Variants in INVS observed in about 807,000 individuals in gnomAD.
The protein encoded by INVS is inversin, also known as inversion of embryo turning homolog.
In INVS, 86 loss-of-function variants were observed where a neutral mutation model predicts 108.8. The ratio of observed to expected loss-of-function variants is 0.79; its 90% confidence interval spans 0.66 to 0.95. The LOEUF (loss-of-function observed/expected upper bound fraction) is 0.95. Among genes scored for constraint, INVS ranks in the 40% least tolerant of loss-of-function variants. INVS has a pLI of 0.00. For synonymous variants in INVS, 455 were observed against 473.5 expected, an observed-to-expected ratio of 0.96 and a Z score of 0.51; for missense variants, 1,169 against 1,297.4, an observed-to-expected ratio of 0.90 and a Z score of 1.52.
intron 10 of INVS, among the ~76,000 whole-genome samples, chr9:100,259,611 C>T (rs1393704466): frequency 1.4e-5 from 2 of 146,380 alleles, no homozygotes; most frequent in African/African-American, 2.6e-5. Flanking sequence ...AATCTTGGCT[C>T]ACTGCAACCT....
At chr9:100,115,511 G>A (rs888553961) in intron 2 of INVS, among the ~76,000 whole-genome samples, 1 of 151,900 alleles carries the variant, frequency 6.6e-6, no homozygotes, top group African/African-American at 2.4e-5. Flanking sequence ...GTGTCCAAGT[G>A]TTCTCATTGT....
At chr9:100,129,526 TA>T in intron 3 of INVS, 1 of 462,338 alleles carries the variant, frequency 2.2e-6, no homozygotes, top group Non-Finnish European at 4.0e-6. Context: ...AAAAATTTTT[TA>T]AAAAAACAAG....
At chr9:100,146,933 T>C (rs1243809038) in intron 3 of INVS, among the ~76,000 whole-genome samples, 1 of 148,786 alleles carries the variant, frequency 6.7e-6, no homozygotes, top group Non-Finnish European at 1.5e-5. Context: ...TTTCAATTCC[T>C]TCATTTGATT....
rs1173286156 is a variant in INVS, at chr9:100,301,349, G to A, written c.*675G>A. On this transcript the variant is annotated 3_prime_UTR_variant, in exon 17 of 17. Coordinates refer to ENST00000262457, the MANE Select transcript of INVS (RefSeq NM_014425.5). The stretch of plus-strand genomic sequence containing the variant: ...TCTCAAGGCCACAAGTTGCCGCCAC[G>A]TCTTCACTGAATGGCTTTCTCAGTG... Among the ~76,000 whole-genome samples, 1 of 152,216 alleles carries A rather than the reference G, an allele frequency of 6.6e-6. No homozygotes were observed. Among genetic ancestry groups the A allele is most frequent in the East Asian group, 1.9e-4 (1 of 5,190 alleles).
intron 3 of INVS, among the ~76,000 whole-genome samples, chr9:100,222,803 GT>G (rs1831192967): frequency 1.4e-5 from 2 of 147,774 alleles, no homozygotes; most frequent in South Asian, 4.3e-4. Context: ...ACACAGATTT[GT>G]TTTTCCTGGG....
At position 100,147,954 on chromosome 9, in the gene INVS, CAG is replaced by C. The variant is rs551658389; in HGVS notation, c.273+21406_273+21407del. 1.3e-3 allele frequency among the ~76,000 whole-genome samples: 186 copies of C among 146,400 alleles called. 1 individual carries two copies. Among genetic ancestry groups the C allele is most frequent in the African/African-American group, 4.4e-3 (178 of 40,106 alleles). ...ATCCCAGTAATTTGGGAGGCCAAAA[CAG>C]GGGGATTGCTTGAAGCCAGAAGTTT... On this transcript the variant is annotated intron_variant, in intron 3 of 16. Coordinates refer to ENST00000262457, the MANE Select transcript of INVS (RefSeq NM_014425.5).
At chr9:100,167,828 G>A (rs1829415646) in intron 3 of INVS, among the ~76,000 whole-genome samples, 1 of 152,016 alleles carries the variant, frequency 6.6e-6, no homozygotes. Flanking sequence ...ATTCTCCCAG[G>A]TGATCCACGA....
chr9:100,300,717 T>C lies in INVS; in HGVS notation c.*43T>C, dbSNP rs1231766165. The C allele has an allele frequency of 3.8e-6, 5 of 1,332,092 alleles. No homozygotes were observed. Among genetic ancestry groups the C allele is most frequent in the Non-Finnish European group, 5.4e-6 (5 of 927,732 alleles). 82.5% of individuals were successfully genotyped at this position (1,332,092 alleles called of 1,614,324 possible). A position where few individuals can be genotyped will look rare whatever the true frequency, so the allele number is the denominator to read the frequency against. ...CTGTGTTCGGGGGAGCTGGCATAGCTAGTGCAGAGTTCAGATTTTCTGCTG... is the reference window on the plus strand; with the variant it reads ...CTGTGTTCGGGGGAGCTGGCATAGCCAGTGCAGAGTTCAGATTTTCTGCTG... On this transcript the variant is annotated 3_prime_UTR_variant, in exon 17 of 17. Coordinates refer to ENST00000262457, the MANE Select transcript of INVS (RefSeq NM_014425.5).
intron 11 of INVS, among the ~76,000 whole-genome samples, chr9:100,270,155 C>G (rs1832907572): frequency 6.6e-6 from 1 of 151,500 alleles, no homozygotes; most frequent in Admixed American, 6.6e-5. Context: ...TTCATAAAAT[C>G]TATATCATTT....
intron 11 of INVS, among the ~76,000 whole-genome samples, chr9:100,271,672 T>C (rs1035374501): frequency 2.0e-5 from 3 of 152,226 alleles, no homozygotes; most frequent in African/African-American, 7.2e-5. Flanking sequence ...GCAAATCTGA[T>C]CATCATTGAA....
At chr9:100,142,039 AG>A (rs1414302117) in intron 3 of INVS, among the ~76,000 whole-genome samples, 1 of 152,182 alleles carries the variant, frequency 6.6e-6, no homozygotes, top group Non-Finnish European at 1.5e-5. Flanking sequence ...TTGGAATGCT[AG>A]CTGCTTGTCT....
chr9:100,164,722 C>G (rs1054755165), intron 3 of INVS, among the ~76,000 whole-genome samples: 1 of 152,064 alleles, frequency 6.6e-6, no homozygotes, highest in East Asian at 1.9e-4. Context: ...CATAAAATGG[C>G]CAATTGATGT....
intron 3 of INVS, among the ~76,000 whole-genome samples, chr9:100,183,040 C>T (rs766035559): frequency 1.7e-4 from 26 of 152,158 alleles, no homozygotes; most frequent in Non-Finnish European, 2.9e-4. Flanking sequence ...AACCAAACAC[C>T]GCATGTTCTC....
At chr9:100,264,569 G>A (rs551358838) in intron 10 of INVS, among the ~76,000 whole-genome samples, 4 of 148,848 alleles carry the variant, frequency 2.7e-5, no homozygotes, top group Non-Finnish European at 4.4e-5. Context: ...AGTGAGCTGA[G>A]ATCTCACCAT....
intron 3 of INVS, among the ~76,000 whole-genome samples, chr9:100,163,474 G>A (rs1317179530): frequency 1.3e-5 from 2 of 152,092 alleles, no homozygotes; most frequent in African/African-American, 4.8e-5. Flanking sequence ...GTGGGATATA[G>A]CAGTGAACAA....
intron 16 of INVS, among the ~76,000 whole-genome samples, chr9:100,299,927 T>C (rs1242056189): frequency 6.6e-6 from 1 of 152,190 alleles, no homozygotes; most frequent in Non-Finnish European, 1.5e-5. Context: ...TTGAGACATA[T>C]GTTTGTTACT....
intron 3 of INVS, among the ~76,000 whole-genome samples, chr9:100,217,669 G>A (rs947910125): frequency 5.9e-5 from 9 of 152,154 alleles, no homozygotes; most frequent in Non-Finnish European, 2.9e-5. Flanking sequence ...AAGCCTGCTT[G>A]TTCTTTGCCC....
intron 5 of INVS, among the ~76,000 whole-genome samples, chr9:100,237,138 T>TG (rs1831712837): frequency 6.6e-6 from 1 of 152,186 alleles, no homozygotes; most frequent in African/African-American, 2.4e-5. Context: ...TCAAACTTCT[T>TG]GGAGGCTTTG....
chr9:100,264,668 A>G (rs1322061973), intron 10 of INVS, among the ~76,000 whole-genome samples, 154 bp from the exon 11 acceptor site: 4 of 152,034 alleles, frequency 2.6e-5, no homozygotes, highest in Admixed American at 2.0e-4. Flanking sequence ...ATCAAATATC[A>G]TTTGCTTTCT....
Sources: gnomAD v4.1 joint callset for allele counts (sites outside exome capture counted in the v4.1 genomes callset) on GRCh38, gnomAD v4.1.1 for gene constraint, MANE v1.5 for transcripts, NCBI Gene and HGNC (gene_info 2026-07-23, HGNC 2026-07-21) for gene names.